PCDHA5: variants seen among roughly 807,000 people sequenced by gnomAD.
PCDHA5 encodes protocadherin alpha 5, also known as protocadherin alpha-5.
Under a neutral mutation model 61.6 loss-of-function variants are expected in PCDHA5, and 43 were observed. The ratio of observed to expected loss-of-function variants is 0.70; its 90% CI spans 0.55 to 0.90. The LOEUF (loss-of-function observed/expected upper bound fraction) is 0.90, where lower values mean the gene tolerates loss of function less well. Among genes scored for constraint, PCDHA5 ranks in the 40% least tolerant of loss-of-function variants. The probability of loss-of-function intolerance (pLI) is 0.00; values close to 1 mark genes in which losing one functional copy is unlikely to be tolerated. For missense variants in PCDHA5, 1,298 were observed against 1,222.7 expected, an observed-to-expected ratio of 1.06 and a Z score of -0.92; for synonymous variants, 627 against 543.9, an observed-to-expected ratio of 1.15 and a Z score of -2.13.
At chr5:140,968,641 C>T (rs782760741) in intron 1 of PCDHA5, 12 of 1,614,006 alleles carry the variant, frequency 7.4e-6, no homozygotes, top group East Asian at 4.5e-5. Context: ...ACCATCTAGC[C>T]CAGACTTCTG....
intron 1 of PCDHA5, chr5:140,836,287 G>C: frequency 6.2e-7 from 1 of 1,613,786 alleles, no homozygotes; most frequent in Non-Finnish European, 8.5e-7. Context: ...AGCACGACAC[G>C]AGCCCTAGAT....
At position 140,821,840 on chromosome 5, in the gene PCDHA5, A is replaced by G. The variant is rs140580277; in HGVS notation, c.65A>G (p.Tyr22Cys). Residue 22 changes from tyrosine (Y) to cysteine (C), a missense_variant, in exon 1 of 4, where the codon TAC becomes TGC. Transcript: ENST00000529859. ...RLLLLWLLLA[Y>C]WKAGSGQLHY... ...CTGCTGCTCTGGCTTCTCCTTGCCT[A>G]CTGGAAGGCAGGGAGCGGCCAGCTC... The G allele has an allele frequency of 1.8e-3, 2,868 of 1,614,150 alleles. 95 individuals carry two copies. The Admixed American group carries it at 0.045, about 25-fold the overall frequency.
rs559093543 is a variant in PCDHA5 at position 140,936,623 on chromosome 5, A to G, written c.2353-42326A>G. Among the ~76,000 whole-genome samples, 3 of 152,312 alleles carry G rather than the reference A, an allele frequency of 2.0e-5. No individual in the cohort carries two copies. The East Asian group carries it at 5.8e-4, about 29-fold the overall frequency. On this transcript the variant is annotated intron_variant, in intron 1 of 3. Transcript: ENST00000529859. ...TTCCTCGCTGCTACTGTGCAGTGCT[A>G]CCTTTGTCATAAGCAACGTGACTTT...
At chr5:140,884,810 G>A in intron 1 of PCDHA5, 1 of 1,150,538 alleles carries the variant, frequency 8.7e-7, no homozygotes, top group Non-Finnish European at 1.2e-6. Context: ...CAACTCTGCT[G>A]TGGACATTAT....
intron 1 of PCDHA5, chr5:140,878,248 C>A (rs1449904760): frequency 6.5e-6 from 1 of 154,860 alleles, no homozygotes; most frequent in African/African-American, 2.4e-5. Flanking sequence ...TTAACTCTTC[C>A]TCACGTGCTT....
chr5:140,908,169 C>T (rs1361651305), intron 1 of PCDHA5, among the ~76,000 whole-genome samples: 2 of 152,192 alleles, frequency 1.3e-5, no homozygotes, highest in African/African-American at 4.8e-5. Context: ...TGTAGTGCTG[C>T]AGCTGTCCAC....
chr5:140,869,456 AT>A (rs1175063244), intron 1 of PCDHA5: 1 of 1,614,072 alleles, frequency 6.2e-7, no homozygotes, highest in East Asian at 2.2e-5. Flanking sequence ...CAGGTTTTCC[AT>A]GTGAACGTGG....
chr5:140,895,021 G>T (rs956122734), intron 1 of PCDHA5, among the ~76,000 whole-genome samples: 3 of 151,838 alleles, frequency 2.0e-5, no homozygotes, highest in Non-Finnish European at 4.4e-5. Context: ...TTTTTCCTTT[G>T]TTTAATTGTC....
At chr5:140,876,251 G>T in intron 1 of PCDHA5, 1 of 1,614,008 alleles carries the variant, frequency 6.2e-7, no homozygotes, top group South Asian at 1.1e-5. Context: ...AACGACACAA[G>T]AGTGATCCAA....
At chr5:140,839,261 T>A (rs1477628159) in intron 1 of PCDHA5, among the ~76,000 whole-genome samples, 1 of 152,104 alleles carries the variant, frequency 6.6e-6, no homozygotes, top group African/African-American at 2.4e-5. Context: ...CTTACATGCA[T>A]GTATATTTAA....
rs561284006 is a variant in PCDHA5, at chr5:140,905,585, T to G, written c.2353-73364T>G. 2.0e-5 allele frequency among the ~76,000 whole-genome samples: 3 copies of G among 152,306 alleles called. No individual in the cohort carries two copies. The East Asian group carries it at 5.8e-4, about 29-fold the overall frequency. On this transcript the variant is annotated intron_variant, in intron 1 of 3. Coordinates refer to ENST00000529859, the MANE Select transcript of PCDHA5 (RefSeq NM_018908.3). ...AGTCATGTGAAGAATGATAATGATATTTTGCTGGGAATTGCATTGAATCTA... is the reference window on the plus strand; with the variant it reads ...AGTCATGTGAAGAATGATAATGATAGTTTGCTGGGAATTGCATTGAATCTA...
intron 1 of PCDHA5, chr5:140,927,163 GC>G: frequency 6.2e-7 from 1 of 1,614,176 alleles, no homozygotes; most frequent in East Asian, 2.2e-5. Flanking sequence ...CAGGGCCAAA[GC>G]TGCCTGCGTC....
chr5:140,947,882 T>C (rs1554218353), intron 1 of PCDHA5, among the ~76,000 whole-genome samples: 1 of 151,580 alleles, frequency 6.6e-6, no homozygotes, highest in Non-Finnish European at 1.5e-5. Context: ...TCCAGGACAA[T>C]ATAAACAGAA....
At chr5:140,971,117 G>A (rs868931936) in intron 1 of PCDHA5, among the ~76,000 whole-genome samples, 1 of 152,162 alleles carries the variant, frequency 6.6e-6, no homozygotes, top group Admixed American at 6.5e-5. Flanking sequence ...ATTGGGGTGG[G>A]CTACAGGTGG....
chr5:140,869,679 G>A, intron 1 of PCDHA5: 1 of 1,613,452 alleles, frequency 6.2e-7, no homozygotes, highest in Non-Finnish European at 8.5e-7. Flanking sequence ...TTAAAAGACT[G>A]TCACTTATTT....
Position 140,861,683 on chromosome 5 carries a change from C to G in PCDHA5, c.2352+37556C>G, listed in dbSNP as rs1386318519. ...GAGAGCTCTTGATTATCGTGTTTCA[C>G]TAGAGGGTGTCTGTGATGCCGACGT... On this transcript the variant is annotated intron_variant, in intron 1 of 3. Coordinates refer to ENST00000529859, the MANE Select transcript of PCDHA5 (RefSeq NM_018908.3). 2.1e-5 allele frequency: 5 copies of G among 233,410 alleles called. No homozygotes were observed. The East Asian group carries it at 3.6e-4, about 17-fold the overall frequency. 14.5% of individuals were successfully genotyped at this position (233,410 alleles called of 1,614,324 possible).
intron 1 of PCDHA5, chr5:140,867,518 A>T (rs2050002627): frequency 6.6e-6 from 1 of 152,128 alleles, no homozygotes; most frequent in Non-Finnish European, 1.5e-5. Context: ...TCAAATTAAT[A>T]GTTGAATATA....
intron 1 of PCDHA5, chr5:140,882,051 A>T: frequency 1.3e-6 from 1 of 757,670 alleles, no homozygotes; most frequent in Non-Finnish European, 2.0e-6. Flanking sequence ...AGTCATACTT[A>T]CACTTACACG....
intron 1 of PCDHA5, among the ~76,000 whole-genome samples, chr5:140,832,545 G>T (rs1252442400): frequency 2.0e-5 from 3 of 152,202 alleles, no homozygotes; most frequent in Non-Finnish European, 4.4e-5. Context: ...TGTAGCTAAT[G>T]ATATCTAACA....
Sources: gnomAD v4.1 joint callset for allele counts (sites outside exome capture counted in the v4.1 genomes callset) on GRCh38, gnomAD v4.1.1 for gene constraint, MANE v1.5 for transcripts, NCBI Gene and HGNC (gene_info 2026-07-23, HGNC 2026-07-21) for gene names.